TRIO: variants seen among roughly 807,000 people sequenced by gnomAD.
The protein encoded by TRIO is trio Rho guanine nucleotide exchange factor, also known as triple functional domain protein.
TRIO carries 58 observed loss-of-function variants against 351.9 expected under a neutral mutation model. The observed-to-expected ratio is 0.16, with a 90% CI of 0.13 to 0.21. The LOEUF (loss-of-function observed/expected upper bound fraction) is 0.21. Ranked by LOEUF, TRIO falls within the 10% of genes least tolerant of loss-of-function variation. The probability of loss-of-function intolerance (pLI) is 1.00; values close to 1 mark genes in which losing one functional copy is unlikely to be tolerated. For synonymous variants in TRIO, 1,758 were observed against 1,595.7 expected (o/e 1.10, Z -2.42); for missense variants, 3,201 against 4,027.8 (o/e 0.79, Z 5.56).
At chr5:14,490,842 C>G (rs139403123) in intron 48 of TRIO, 1 of 456,094 alleles carries the variant, frequency 2.2e-6, no homozygotes, top group African/African-American at 2.0e-5. Context: ...TTTACATATT[C>G]TTGGAAATTT....
At chr5:14,343,549 A>C (rs1430175364) in intron 11 of TRIO, among the ~76,000 whole-genome samples, 1 of 152,126 alleles carries the variant, frequency 6.6e-6, no homozygotes, top group Non-Finnish European at 1.5e-5. Context: ...ACTCAGCACA[A>C]TTCCTTTGAC....
chr5:14,235,397 T>A (rs1209214644), intron 1 of TRIO, among the ~76,000 whole-genome samples: 1 of 152,222 alleles, frequency 6.6e-6, no homozygotes, highest in African/African-American at 2.4e-5. Flanking sequence ...GTTTGATGAT[T>A]GCTTCCTGGC....
chr5:14,282,309 A>G (rs1300436434), intron 3 of TRIO, among the ~76,000 whole-genome samples: 2 of 152,190 alleles, frequency 1.3e-5, no homozygotes, highest in African/African-American at 4.8e-5. Flanking sequence ...TGTGATAATG[A>G]TGGAAAAAGA....
intron 34 of TRIO, among the ~76,000 whole-genome samples, chr5:14,435,718 C>G (rs1461871477): frequency 6.6e-6 from 1 of 152,034 alleles, no homozygotes. Context: ...GGATCATAAC[C>G]CAGTGCTGTC....
intron 37 of TRIO, among the ~76,000 whole-genome samples, chr5:14,470,620 G>A (rs1754614492): frequency 6.6e-6 from 1 of 152,200 alleles, no homozygotes; most frequent in Admixed American, 6.5e-5. Context: ...ATTTGCATGA[G>A]GTTCTACTGG....
chr5:14,485,276 C>T, intron 47 of TRIO, 30 bp downstream of exon 47: 1 of 1,546,550 alleles, frequency 6.5e-7, no homozygotes, highest in East Asian at 2.3e-5. Flanking sequence ...TAGATGTGTG[C>T]TTTCTTTCCT....
chr5:14,387,991 C>G (rs1279787242), intron 23 of TRIO, 144 bp downstream of exon 23: 2 of 761,320 alleles, frequency 2.6e-6, no homozygotes, highest in Non-Finnish European at 4.3e-6. Context: ...TGTGTCAGCA[C>G]AGACTTCGCT....
At position 14,479,931 on chromosome 5, in the gene TRIO, C is replaced by T. The variant is rs781722470; in HGVS notation, c.6256C>T (p.Arg2086Cys). 4 of 1,613,962 alleles carry T rather than the reference C, an allele frequency of 2.5e-6. No individual in the cohort carries two copies. The highest frequency in any genetic ancestry group is 2.2e-5 in the East Asian group (1 of 44,886). Residue 2086 changes from arginine (R) to cysteine (C), a missense_variant, in exon 43 of 57, where the codon CGT becomes TGT. Physicochemically the swap from Arg to Cys is radical, Grantham distance 180 (BLOSUM62 -3). Around this residue, in one of 19 missense-constraint regions of TRIO, gnomAD observed 307 missense variants for 396.5 expected, o/e 0.77. Transcript: ENST00000344204. Reference protein sequence around the residue: ...IDTFFEDLKQRLGHRLQLTDL... With the variant: ...IDTFFEDLKQCLGHRLQLTDL... ...CTTAAAACTGTAGGACTTAAAGCAG[C>T]GTCTTGGCCACAGGTTACAGCTCAC...
At chr5:14,270,975 C>T in intron 2 of TRIO, 76 bp downstream of exon 2, 3 of 996,244 alleles carry the variant, frequency 3.0e-6, no homozygotes, top group South Asian at 1.4e-5. Context: ...TAAATGAACT[C>T]ACCTGCCACA....
chr5:14,336,957 G>C (rs1361231284), intron 11 of TRIO, among the ~76,000 whole-genome samples: 1 of 152,192 alleles, frequency 6.6e-6, no homozygotes, highest in Middle Eastern at 3.2e-3. Flanking sequence ...TCCATAAAGA[G>C]AGGACCCATG....
rs1384245254 is a variant in TRIO, at chr5:14,508,149, A to G, written c.9021A>G (p.Leu3007=). The change falls in exon 57 of 57, where the codon TTA becomes TTG. Residue 3007 remains leucine (L), a synonymous_variant. Transcript: ENST00000344204. ...VEETCLNICR[L]DFSFPDDYFK... is the part of the protein sequence containing the mutation. ...AGACCTGCCTGAACATTTGCCGCTT[A>G]GACTTTAGCTTCCCAGATGACTACT... 4.3e-6 allele frequency: 7 copies of G among 1,614,186 alleles called. No homozygotes were observed. In the Admixed American group the frequency reaches 1.2e-4, roughly 27 times the overall value.
chr5:14,377,253 GTT>G (rs753353240), intron 19 of TRIO, among the ~76,000 whole-genome samples: 1 of 130,774 alleles, frequency 7.6e-6, no homozygotes, highest in African/African-American at 2.8e-5. Context: ...ATTTTTTTTT[GTT>G]TTTTTTTTTA....
chr5:14,216,057 G>A (rs924247349), intron 1 of TRIO, among the ~76,000 whole-genome samples: 5 of 152,214 alleles, frequency 3.3e-5, no homozygotes, highest in African/African-American at 1.2e-4. Flanking sequence ...ACTTCTTAGC[G>A]TTCTTGTGAG....
chr5:14,437,592 T>G (rs1209539198), intron 34 of TRIO, among the ~76,000 whole-genome samples: 1 of 152,102 alleles, frequency 6.6e-6, no homozygotes, highest in Admixed American at 6.5e-5. Context: ...GAGGCCTCTC[T>G]TCTTGGCTTG....
chr5:14,428,924 C>T (rs1258237591), intron 34 of TRIO, among the ~76,000 whole-genome samples: 1 of 152,220 alleles, frequency 6.6e-6, no homozygotes, highest in African/African-American at 2.4e-5. Context: ...CAGGCCGCCA[C>T]GTCCTCTCCT....
Position 14,305,524 on chromosome 5 carries a change from T to C in TRIO, c.1500+932T>C, listed in dbSNP as rs549366642. 5.0e-4 allele frequency among the ~76,000 whole-genome samples: 76 copies of C among 152,360 alleles called. No homozygotes were observed. The Middle Eastern group carries it at 0.024, about 48-fold the overall frequency. The stretch of plus-strand genomic sequence containing the variant: ...TTAATATGAAAGATTATCGCAAGGC[T>C]TCTGTAAGAGTTTCACAGCACCTGG... On this transcript the variant is annotated intron_variant, in intron 8 of 56. Transcript: ENST00000344204.
chr5:14,460,967 C>T, intron 34 of TRIO, 52 bp from the exon 35 acceptor site: 1 of 1,464,906 alleles, frequency 6.8e-7, no homozygotes, highest in South Asian at 1.5e-5. Context: ...ATGGTCTTCA[C>T]ACCGGAGGGT....
intron 1 of TRIO, among the ~76,000 whole-genome samples, chr5:14,234,118 C>A (rs1350040386): frequency 6.6e-6 from 1 of 152,156 alleles, no homozygotes; most frequent in African/African-American, 2.4e-5. Flanking sequence ...TATCCTATAC[C>A]AGAGACGTCT....
intron 48 of TRIO, chr5:14,488,825 C>T (rs887566140): frequency 3.0e-6 from 2 of 664,808 alleles, no homozygotes; most frequent in Admixed American, 2.2e-5. Flanking sequence ...TTTACGTCAC[C>T]GTGTTGCTCT....
Sources: allele counts gnomAD v4.1 joint callset (sites outside exome capture counted in the v4.1 genomes callset), GRCh38; gene constraint gnomAD v4.1.1; regional missense constraint gnomAD v4.1.1; transcripts MANE v1.5; gene names NCBI Gene and HGNC (gene_info 2026-07-23, HGNC 2026-07-21).